The following KCNQ3 variants were observed in gnomAD, a reference collection of about 807,000 sequenced individuals.
KCNQ3 encodes the protein potassium voltage-gated channel subfamily KQT member 3.
KCNQ3 carries 30 observed loss-of-function variants against 92.5 expected under a neutral mutation model. That is an observed-to-expected ratio of 0.32 (90% confidence interval 0.24 to 0.44). The LOEUF (loss-of-function observed/expected upper bound fraction) is 0.44, where lower values mean the gene tolerates loss of function less well. KCNQ3 is among the 20% of genes least tolerant of loss of function. The probability of loss-of-function intolerance (pLI) is 1.00; values close to 1 mark genes in which losing one functional copy is unlikely to be tolerated. For missense variants in KCNQ3, 913 were observed against 1,140.3 expected (o/e 0.80, Z 2.87); for synonymous variants, 450 against 468.8 (o/e 0.96, Z 0.52).
chr8:132,320,809 G>T (rs1032298525), intron 1 of KCNQ3, among the ~76,000 whole-genome samples: 3 of 152,280 alleles, frequency 2.0e-5, no homozygotes, highest in African/African-American at 7.2e-5. Context: ...AATGAATGCT[G>T]GTGCCTGATC....
chr8:132,388,370 T>C (rs962435598), intron 1 of KCNQ3, among the ~76,000 whole-genome samples: 1 of 152,092 alleles, frequency 6.6e-6, no homozygotes, highest in Non-Finnish European at 1.5e-5. Flanking sequence ...AACTAAAGAG[T>C]ACGAGAAAAC....
Position 132,129,269 on chromosome 8 carries a change from G to T in KCNQ3, c.2612C>A (p.Pro871His). ...GTCAGCCAGTGACCTCTTTTAAATG[G>T]GCTTATTGGAAGGGGTCCATACTGA... ...SDSVWTPSNKPI is the reference protein window; with the variant it reads ...SDSVWTPSNKHI The change falls in exon 15 of 15, where the codon CCC becomes CAC. Residue 871 changes from proline (P) to histidine (H), a missense_variant. By Grantham distance (77) the Pro-to-His change is moderately conservative. Around this residue, in one of 6 missense-constraint regions of KCNQ3, gnomAD observed 375 missense variants for 376.4 expected, o/e 1.00. Coordinates refer to ENST00000388996, the MANE Select transcript of KCNQ3 (RefSeq NM_004519.4). This position sits in a 1 kb window ranked among gnomAD's most constrained non-coding sequence, Gnocchi z 5.9. 3 of 1,611,506 alleles carry T rather than the reference G, an allele frequency of 1.9e-6. No individual in the cohort carries two copies. The highest frequency in any genetic ancestry group is 2.5e-6 in the Non-Finnish European group (3 of 1,180,016).
At chr8:132,418,356 G>A (rs546840862) in intron 1 of KCNQ3, among the ~76,000 whole-genome samples, 1 of 152,298 alleles carries the variant, frequency 6.6e-6, no homozygotes, top group Non-Finnish European at 1.5e-5. Flanking sequence ...CGGAAGGCTG[G>A]CAGGAGAGCA....
In KCNQ3 at chr8:132,121,511, T is replaced by C. The variant is rs1824467819; in HGVS notation, c.*7751A>G. On this transcript the variant is annotated 3_prime_UTR_variant, in exon 15 of 15. Coordinates refer to ENST00000388996, the MANE Select transcript of KCNQ3 (RefSeq NM_004519.4). ...CTGGACTCTTAACCCTCAGGGGAACTATGGGGGTGGGAACTGCCCCCTCCT... is the reference window on the plus strand; with the variant it reads ...CTGGACTCTTAACCCTCAGGGGAACCATGGGGGTGGGAACTGCCCCCTCCT... The C allele has an allele frequency of 6.6e-6, 1 of 152,160 alleles. No homozygotes were observed. The highest frequency in any genetic ancestry group is 2.4e-5 in the African/African-American group (1 of 41,424). The allele number at this position is 152,160 out of a possible 1,614,324, so 9.4% of individuals were successfully genotyped here.
intron 9 of KCNQ3, among the ~76,000 whole-genome samples, chr8:132,152,271 CA>C (rs1225301266): frequency 6.6e-6 from 1 of 152,068 alleles, no homozygotes; most frequent in Non-Finnish European, 1.5e-5. Flanking sequence ...CACAGAAAAC[CA>C]AAGCAATCTT....
chr8:132,451,269 G>T (rs1821814790), intron 1 of KCNQ3, among the ~76,000 whole-genome samples: 1 of 152,190 alleles, frequency 6.6e-6, no homozygotes, highest in South Asian at 2.1e-4. Flanking sequence ...ATGATTGTGA[G>T]GCCTCCCCAG....
intron 1 of KCNQ3, among the ~76,000 whole-genome samples, chr8:132,213,017 CT>C (rs1447227282): frequency 6.6e-6 from 1 of 152,198 alleles, no homozygotes; most frequent in African/African-American, 2.4e-5. Context: ...CTGCATGACA[CT>C]GTTGACTTTT....
At chr8:132,295,204 C>T (rs920744007) in intron 1 of KCNQ3, among the ~76,000 whole-genome samples, 6 of 152,150 alleles carry the variant, frequency 3.9e-5, no homozygotes, top group African/African-American at 1.2e-4. Flanking sequence ...AATAAAACAA[C>T]CCCATTAAAA....
intron 1 of KCNQ3, among the ~76,000 whole-genome samples, chr8:132,415,496 C>T (rs1029483651): frequency 6.6e-5 from 10 of 152,224 alleles, no homozygotes; most frequent in Admixed American, 5.2e-4. Flanking sequence ...CCCCCGGCTG[C>T]AGAACCAAAC....
intron 1 of KCNQ3, among the ~76,000 whole-genome samples, chr8:132,424,368 C>T (rs1386447442): frequency 6.6e-6 from 1 of 152,184 alleles, no homozygotes; most frequent in Non-Finnish European, 1.5e-5. Context: ...AAACTCTAAC[C>T]TCTACCTTTG....
chr8:132,301,927 T>C (rs533099422), intron 1 of KCNQ3, among the ~76,000 whole-genome samples: 1 of 152,196 alleles, frequency 6.6e-6, no homozygotes, highest in African/African-American at 2.4e-5. Context: ...GAAATTATAA[T>C]AGCAAGCAGT....
At chr8:132,354,609 C>T (rs1480494976) in intron 1 of KCNQ3, among the ~76,000 whole-genome samples, 1 of 152,218 alleles carries the variant, frequency 6.6e-6, no homozygotes, top group East Asian at 1.9e-4. Flanking sequence ...ACACTTCCCA[C>T]CTGCTTCTCA....
chr8:132,207,964 T>C (rs1813721001), intron 1 of KCNQ3, among the ~76,000 whole-genome samples: 1 of 151,388 alleles, frequency 6.6e-6, no homozygotes, highest in Non-Finnish European at 1.5e-5. Context: ...ACACCAGCAT[T>C]AGCATGGCAG....
At position 132,252,145 on chromosome 8, in the gene KCNQ3, A is replaced by G. The variant is rs1017623277; in HGVS notation, c.387-65964T>C. 3.9e-5 allele frequency among the ~76,000 whole-genome samples: 6 copies of G among 152,048 alleles called. No homozygotes were observed. In the East Asian group the frequency reaches 1.2e-3, roughly 29 times the overall value. ...TGGGGATGCCCTTCAGCACACTCTTATTGGACAGGCCTGTGTCCGGAATTG... is the reference window on the plus strand; with the variant it reads ...TGGGGATGCCCTTCAGCACACTCTTGTTGGACAGGCCTGTGTCCGGAATTG... On this transcript the variant is annotated intron_variant, in intron 1 of 14. Transcript: ENST00000388996.
intron 1 of KCNQ3, among the ~76,000 whole-genome samples, chr8:132,293,999 G>GTGTGTGTGTGT (rs61040125): frequency 5.6e-4 from 49 of 87,778 alleles, no homozygotes; most frequent in African/African-American, 1.6e-3. Flanking sequence ...GTGTGTGTGT[G>GTGTGTGTGTGT]GTTTTTTTTT....
intron 1 of KCNQ3, among the ~76,000 whole-genome samples, chr8:132,249,379 G>A (rs1434885744): frequency 1.3e-5 from 2 of 152,142 alleles, no homozygotes; most frequent in African/African-American, 4.8e-5. Context: ...CAATCCCTGA[G>A]CTGGACACAA....
chr8:132,130,027 C>G (rs770943455), intron 14 of KCNQ3, 31 bp from the exon 15 acceptor site: 2 of 1,609,030 alleles, frequency 1.2e-6, no homozygotes, highest in Non-Finnish European at 1.7e-6. Context: ...TGAATTACCA[C>G]TTTCTCTGAG....
chr8:132,473,545 C>T (rs1172357753), intron 1 of KCNQ3, among the ~76,000 whole-genome samples: 1 of 152,146 alleles, frequency 6.6e-6, no homozygotes, highest in African/African-American at 2.4e-5. Flanking sequence ...GTTCCTGGTA[C>T]AGAGAAGGCA....
chr8:132,432,657 A>T (rs1821284290), intron 1 of KCNQ3, among the ~76,000 whole-genome samples: 1 of 152,118 alleles, frequency 6.6e-6, no homozygotes, highest in Non-Finnish European at 1.5e-5. Context: ...TACTCTGTTA[A>T]CAGGACTTAG....
Sources: gnomAD v4.1 joint callset for allele counts (sites outside exome capture counted in the v4.1 genomes callset) on GRCh38, gnomAD v4.1.1 for gene constraint, gnomAD v4.1.1 regional missense constraint, Gnocchi (gnomAD v3.1) non-coding constraint, MANE v1.5 for transcripts, NCBI Gene and HGNC (gene_info 2026-07-23, HGNC 2026-07-21) for gene names.